Variants in CDK11B observed in about 807,000 individuals in gnomAD.
CDK11B encodes cyclin-dependent kinase 11B.
In CDK11B, 37 loss-of-function variants were observed where a neutral mutation model predicts 84.0. That is an observed-to-expected ratio of 0.44 (90% CI 0.34 to 0.58). CDK11B has a LOEUF of 0.58. Ranked by LOEUF, CDK11B falls within the 20% of genes least tolerant of loss-of-function variation. The pLI is 0.02. For synonymous variants in CDK11B, 269 were observed against 309.8 expected, an observed-to-expected ratio of 0.87 and a Z score of 1.38; for missense variants, 427 against 834.0, an observed-to-expected ratio of 0.51 and a Z score of 6.01.
intron 10 of CDK11B, 90 bp from the exon 11 acceptor site, chr1:1,640,542 C>T: frequency 6.4e-7 from 1 of 1,567,086 alleles, no homozygotes. Flanking sequence ...CGTGGCAGGG[C>T]TGCCCCGTGT....
Position 1,637,207 on chromosome 1 carries a change from G to A in CDK11B, c.1571-5C>T, listed in dbSNP as rs777362322. 1.3e-5 allele frequency: 21 copies of A among 1,613,084 alleles called. No homozygotes were observed. Among genetic ancestry groups the A allele is most frequent in the Non-Finnish European group, 1.8e-5 (21 of 1,179,780 alleles). On this transcript the variant is annotated splice_polypyrimidine_tract_variant and splice_region_variant and intron_variant, in intron 14 of 19. Transcript: ENST00000341832. The stretch of plus-strand genomic sequence containing the variant: ...TCATCAGGGTCTTCACCTCCCCTGG[G>A]AGGGAGGGAAGCTCCCATGTGGACC...
rs1207552906 is a variant in CDK11B at position 1,657,388 on chromosome 1, T to C, written c.98A>G (p.Lys33Arg). 3.1e-6 allele frequency: 5 copies of C among 1,609,058 alleles called. No individual in the cohort carries two copies. The South Asian group carries it at 5.5e-5, about 18-fold the overall frequency. ...RKEQEEKAEI[K>R]RLKNSDDRDS... ...AATATGGCTTACATTTTTTAAGCGT[T>C]TTATCTCTGCTTTCTCCTCTTGTTC... Residue 33 changes from lysine to arginine, a missense_variant, in exon 2 of 20, where the codon AAA (lysine) becomes AGA (arginine). Lys to Arg is a conservative substitution (Grantham distance 26). This residue lies in a region of CDK11B where 11 missense variants were observed against 38.0 expected (regional missense o/e 0.29). Transcript: ENST00000341832.
chr1:1,649,913 T>C (rs1641675244), intron 4 of CDK11B, among the ~76,000 whole-genome samples: 1 of 147,174 alleles, frequency 6.8e-6, no homozygotes, highest in Non-Finnish European at 1.5e-5. Context: ...GAGGCGGAGG[T>C]TGCAGTGAGC....
At chr1:1,651,785 C>A (rs1393616897) in intron 4 of CDK11B, among the ~76,000 whole-genome samples, 50,666 of 145,992 alleles carry the variant, frequency 0.35, 9,081 homozygotes, top group African/African-American at 0.5. Context: ...AACACACGCA[C>A]GCTTTCAGCT....
rs750126951 is a variant in CDK11B, at chr1:1,636,747, G to T, written c.1852C>A (p.Leu618Met). ...MWSVGCIFGELLTQKPLFPGK... is the reference protein window; with the variant it reads ...MWSVGCIFGEMLTQKPLFPGK... ...GGGAACAGAGGCTTCTGAGTCAGCA[G>T]CTCCCCGAAGATGCAACCCACTGAC... The change falls in exon 17 of 20, where the codon CTG (leucine) becomes ATG (methionine). Residue 618 changes from leucine (L) to methionine (M), a missense_variant. Coordinates refer to ENST00000341832, the MANE Select transcript of CDK11B (RefSeq NM_033486.3). 6.2e-7 allele frequency: 1 copy of T among 1,613,822 alleles called. No individual in the cohort carries two copies. The highest frequency in any genetic ancestry group is 8.5e-7 in the Non-Finnish European group (1 of 1,179,872).
intron 3 of CDK11B, chr1:1,654,274 A>G: frequency 2.4e-6 from 1 of 410,152 alleles, no homozygotes; most frequent in Admixed American, 3.1e-5. Flanking sequence ...CTCAACAAGA[A>G]CATTTCCTTT....
In CDK11B at chr1:1,635,530, GCACCCGAAGATGTC is replaced by G. The variant is rs1162441325; in HGVS notation, c.*220_*233del. The G allele has an allele frequency of 6.3e-3, 2,960 of 467,886 alleles. 558 individuals are homozygous for G. Among genetic ancestry groups the G allele is most frequent in the Non-Finnish European group, 8.1e-3 (2,220 of 274,884 alleles). 29.0% of individuals were successfully genotyped at this position (467,886 alleles called of 1,614,324 possible). On this transcript the variant is annotated 3_prime_UTR_variant, in exon 20 of 20. Transcript: ENST00000341832. ...TGGAGGTTTGTGCTGCCCCACGTGG[GCACCCGAAGATGTC>G]CACCCTCTCCGCCCTGGGCAAGTCA...
At position 1,658,909 on chromosome 1, in the gene CDK11B, CTCACCCCTACGCCGCCGCCGCTG is replaced by C. The variant is rs1643169067; in HGVS notation, c.-32_-14+4del. On this transcript the variant is annotated splice_donor_variant and splice_donor_region_variant and 5_prime_UTR_variant and intron_variant, in exon 1 of 20. Coordinates refer to ENST00000341832, the MANE Select transcript of CDK11B (RefSeq NM_033486.3). LOFTEE classifies it low-confidence loss of function (5UTR_SPLICE). ...CCACACCTGGTCCGCCCAGTCGGAA[CTCACCCCTACGCCGCCGCCGCTG>C]CCGCCGCCGCCGCCGCCGGTCCCGG... 1 of 188,306 alleles carries C rather than the reference CTCACCCCTACGCCGCCGCCGCTG, an allele frequency of 5.3e-6. No homozygotes were observed. The highest frequency in any genetic ancestry group is 2.4e-5 in the African/African-American group (1 of 41,730). The allele number at this position is 188,306 out of a possible 1,614,324, so 11.7% of individuals were successfully genotyped here.
Position 1,637,201 on chromosome 1 carries a change from C to A in CDK11B, c.1572G>T (p.Gly524=), listed in dbSNP as rs765150806. Residue 524 remains glycine, a splice_region_variant and synonymous_variant, in exon 15 of 20, where the codon GGG becomes GGT. Transcript: ENST00000341832. ...GCTGGATCATCAGGGTCTTCACCTCCCCTGGGAGGGAGGGAAGCTCCCATG... is the reference window on the plus strand; with the variant it reads ...GCTGGATCATCAGGGTCTTCACCTCACCTGGGAGGGAGGGAAGCTCCCATG... The part of the protein sequence containing the change: ...METMKQPFLP[G]EVKTLMIQLL... The A allele has an allele frequency of 5.6e-6, 9 of 1,613,248 alleles. No homozygotes were observed. In the South Asian group the frequency reaches 7.7e-5, roughly 14 times the overall value.
chr1:1,648,086 C>T (rs1247155967), intron 5 of CDK11B, among the ~76,000 whole-genome samples: 3 of 152,282 alleles, frequency 2.0e-5, no homozygotes, highest in Non-Finnish European at 4.4e-5. Context: ...CCCAGGCTGG[C>T]GTCATGCGGT....
In CDK11B at chr1:1,657,377, T is replaced by G. The variant is rs1229375743; in HGVS notation, c.109A>C (p.Asn37His). The G allele has an allele frequency of 6.2e-7, 1 of 1,611,802 alleles. No homozygotes were observed. Among genetic ancestry groups the G allele is most frequent in the Admixed American group, 1.7e-5 (1 of 59,630 alleles). The change falls in exon 2 of 20, where the codon AAT becomes CAT. Residue 37 changes from asparagine (N) to histidine (H), a missense_variant and splice_region_variant. Coordinates refer to ENST00000341832, the MANE Select transcript of CDK11B (RefSeq NM_033486.3). ...CTTACTTAAAAAATATGGCTTACAT[T>G]TTTTAAGCGTTTTATCTCTGCTTTC... ...EEKAEIKRLK[N>H]SDDRDSKRDS...
intron 3 of CDK11B, chr1:1,654,179 C>T (rs1193088026): frequency 8.6e-6 from 4 of 462,714 alleles, no homozygotes; most frequent in Admixed American, 7.0e-5. Flanking sequence ...TTACTAATAC[C>T]TGATGACGTA....
chr1:1,643,543 CT>C (rs1270118179), intron 6 of CDK11B, among the ~76,000 whole-genome samples: 3 of 147,180 alleles, frequency 2.0e-5, no homozygotes, highest in Admixed American at 6.6e-5. Flanking sequence ...GTCCCAAAGA[CT>C]TTAGGGAACT....
At chr1:1,649,035 C>T (rs1641544000) in intron 5 of CDK11B, among the ~76,000 whole-genome samples, 2 of 152,216 alleles carry the variant, frequency 1.3e-5, no homozygotes, top group South Asian at 4.1e-4. Flanking sequence ...GGACAGTTCT[C>T]TTGGTCAGCC....
At chr1:1,647,725 C>T (rs538346451) in intron 5 of CDK11B, among the ~76,000 whole-genome samples, 7 of 152,340 alleles carry the variant, frequency 4.6e-5, no homozygotes, top group Non-Finnish European at 8.8e-5. Flanking sequence ...ACGTCTTTGG[C>T]GAGATCACAG....
At chr1:1,656,961 A>C (rs1444874942) in intron 2 of CDK11B, among the ~76,000 whole-genome samples, 2 of 152,246 alleles carry the variant, frequency 1.3e-5, no homozygotes, top group African/African-American at 2.4e-5. Flanking sequence ...CCTCTTACCA[A>C]ATTACTAAAA....
chr1:1,637,743 G>C lies in CDK11B; in HGVS notation c.1464+19C>G. ...AAAAGCCTTCCACCCGGGGCCAGGCGTGGTGGGGCCATGCTCACTCTAACG... is the reference window on the plus strand; with the variant it reads ...AAAAGCCTTCCACCCGGGGCCAGGCCTGGTGGGGCCATGCTCACTCTAACG... On this transcript the variant is annotated intron_variant, in intron 13 of 19. Transcript: ENST00000341832. 6.2e-7 allele frequency: 1 copy of C among 1,613,674 alleles called. No individual in the cohort carries two copies. The highest frequency in any genetic ancestry group is 8.5e-7 in the Non-Finnish European group (1 of 1,179,670).
intron 4 of CDK11B, 106 bp from the exon 5 acceptor site, chr1:1,649,743 G>A (rs1187530589): frequency 1.0e-5 from 11 of 1,095,590 alleles, no homozygotes; most frequent in Non-Finnish European, 1.4e-5. Context: ...GGGAGGCTGA[G>A]GCGGGCGGAT....
chr1:1,654,022 C>T (rs1435119341), intron 3 of CDK11B: 4 of 406,550 alleles, frequency 9.8e-6, no homozygotes, highest in Admixed American at 2.9e-5. Flanking sequence ...GCAACAACAA[C>T]AACAACAAAA....
Sources: allele counts gnomAD v4.1 joint callset (sites outside exome capture counted in the v4.1 genomes callset), GRCh38; gene constraint gnomAD v4.1.1; regional missense constraint gnomAD v4.1.1; transcripts MANE v1.5; gene names NCBI Gene and HGNC (gene_info 2026-07-23, HGNC 2026-07-21).